Variants in EPHA3 observed in about 807,000 individuals in gnomAD.
EPHA3 encodes the protein EPH receptor A3, also known as ephrin type-A receptor 3.
Under a neutral mutation model 107.1 loss-of-function variants are expected in EPHA3, and 42 were observed. That is an observed-to-expected ratio of 0.39 (90% confidence interval 0.31 to 0.51). EPHA3 has a LOEUF of 0.51. Among genes scored for constraint, EPHA3 ranks in the 20% least tolerant of loss-of-function variants. EPHA3 has a pLI of 0.78. For synonymous variants in EPHA3, 461 were observed against 424.8 expected, an observed-to-expected ratio of 1.09 and a Z score of -1.05; for missense variants, 1,183 against 1,211.2, an observed-to-expected ratio of 0.98 and a Z score of 0.35.
At chr3:89,176,543 T>C (rs1037207783) in intron 2 of EPHA3, among the ~76,000 whole-genome samples, 6 of 151,838 alleles carry the variant, frequency 4.0e-5, no homozygotes, top group African/African-American at 1.5e-4. Context: ...TCACCTACTG[T>C]TTATTCTTAC....
chr3:89,287,095 A>G (rs993954647), intron 3 of EPHA3, among the ~76,000 whole-genome samples: 1 of 152,204 alleles, frequency 6.6e-6, no homozygotes, highest in Admixed American at 6.5e-5. Flanking sequence ...TAATTTTCCA[A>G]CCTATTTTTG....
intron 2 of EPHA3, among the ~76,000 whole-genome samples, chr3:89,194,055 A>G (rs1705780768): frequency 6.6e-6 from 1 of 152,044 alleles, no homozygotes; most frequent in Non-Finnish European, 1.5e-5. Flanking sequence ...TAGAATATTT[A>G]TCACTTATGA....
intron 3 of EPHA3, among the ~76,000 whole-genome samples, chr3:89,332,438 C>G (rs939545212): frequency 6.6e-6 from 1 of 152,094 alleles, no homozygotes; most frequent in African/African-American, 2.4e-5. Context: ...GGCATTTTGC[C>G]TTAGGCCTTT....
At chr3:89,352,311 A>G (rs1576330034) in intron 5 of EPHA3, among the ~76,000 whole-genome samples, 1 of 151,408 alleles carries the variant, frequency 6.6e-6, no homozygotes, top group East Asian at 1.9e-4. Context: ...CTGGAAATCC[A>G]ATAATTATTT....
intron 3 of EPHA3, among the ~76,000 whole-genome samples, chr3:89,295,107 A>G (rs1706314234): frequency 6.6e-6 from 1 of 152,200 alleles, no homozygotes; most frequent in Admixed American, 6.5e-5. Flanking sequence ...TCCAGACTAT[A>G]GCAATAAAGC....
chr3:89,139,012 C>T (rs1479385340), intron 2 of EPHA3, among the ~76,000 whole-genome samples: 6 of 151,652 alleles, frequency 4.0e-5, no homozygotes, highest in Non-Finnish European at 5.9e-5. Flanking sequence ...GAAAAGTACT[C>T]TCGCAGTAGA....
At chr3:89,479,249 G>T in intron 16 of EPHA3, 148 bp from the exon 17 acceptor site, 1 of 652,630 alleles carries the variant, frequency 1.5e-6, no homozygotes, top group South Asian at 1.9e-5. Context: ...ATGGTGGAAC[G>T]GTCCGGACAT....
intron 3 of EPHA3, among the ~76,000 whole-genome samples, chr3:89,284,759 G>C (rs866831499): frequency 3.9e-5 from 6 of 152,122 alleles, no homozygotes; most frequent in Middle Eastern, 3.4e-3. Flanking sequence ...TCAGAACTTG[G>C]CTCCTTTGTC....
chr3:89,326,273 T>G (rs531864381), intron 3 of EPHA3, among the ~76,000 whole-genome samples: 58 of 152,290 alleles, frequency 3.8e-4, no homozygotes, highest in Middle Eastern at 3.4e-3. Flanking sequence ...TTCCATATAC[T>G]TTATCTCTAG....
chr3:89,182,667 G>A (rs1254926003), intron 2 of EPHA3, among the ~76,000 whole-genome samples: 1 of 151,858 alleles, frequency 6.6e-6, no homozygotes, highest in African/African-American at 2.4e-5. Flanking sequence ...TGTGGTGCGT[G>A]CATAGGCATG....
intron 2 of EPHA3, among the ~76,000 whole-genome samples, chr3:89,208,918 A>G (rs1350453349): frequency 6.6e-6 from 1 of 152,116 alleles, no homozygotes; most frequent in Non-Finnish European, 1.5e-5. Flanking sequence ...AGTAAGCAAA[A>G]TGGGGCATAA....
At chr3:89,426,711 T>C (rs1254252493) in intron 11 of EPHA3, among the ~76,000 whole-genome samples, 1 of 151,872 alleles carries the variant, frequency 6.6e-6, no homozygotes, top group African/African-American at 2.4e-5. Context: ...ATGCAGTAAC[T>C]GGCCAATGAT....
chr3:89,322,150 G>T (rs1026381590), intron 3 of EPHA3, among the ~76,000 whole-genome samples: 1 of 151,132 alleles, frequency 6.6e-6, no homozygotes, highest in Non-Finnish European at 1.5e-5. Flanking sequence ...GAGAGAGAGA[G>T]AAAACAGTAT....
intron 1 of EPHA3, among the ~76,000 whole-genome samples, chr3:89,120,296 G>A (rs1707348958): frequency 6.6e-6 from 1 of 152,084 alleles, no homozygotes; most frequent in Non-Finnish European, 1.5e-5. Context: ...ACATAATAAT[G>A]TCCTGGTTTT....
intron 3 of EPHA3, among the ~76,000 whole-genome samples, chr3:89,217,138 A>G (rs748752847): frequency 1.3e-5 from 2 of 152,164 alleles, no homozygotes; most frequent in Non-Finnish European, 2.9e-5. Context: ...GAGAGCTAAT[A>G]AGGGTTTACA....
At chr3:89,301,218 A>T (rs1361715001) in intron 3 of EPHA3, among the ~76,000 whole-genome samples, 1 of 152,122 alleles carries the variant, frequency 6.6e-6, no homozygotes, top group Non-Finnish European at 1.5e-5. Flanking sequence ...GGCGATGCAG[A>T]AAAGAATTTT....
chr3:89,253,088 G>A (rs564706226), intron 3 of EPHA3, among the ~76,000 whole-genome samples: 3 of 151,926 alleles, frequency 2.0e-5, no homozygotes, highest in Non-Finnish European at 4.4e-5. Flanking sequence ...TGAAACGCTG[G>A]TTAAAAGAGT....
intron 5 of EPHA3, among the ~76,000 whole-genome samples, chr3:89,384,295 G>T (rs1708570221): frequency 6.6e-6 from 1 of 151,910 alleles, no homozygotes; most frequent in African/African-American, 2.4e-5. Flanking sequence ...TGGGGACTCG[G>T]GCTATTAAAA....
intron 2 of EPHA3, among the ~76,000 whole-genome samples, chr3:89,178,393 A>G (rs1190470874): frequency 6.6e-6 from 1 of 152,128 alleles, no homozygotes; most frequent in Non-Finnish European, 1.5e-5. Flanking sequence ...TAGCATACGT[A>G]TAATTACACA....
Sources: gnomAD v4.1 joint callset for allele counts (sites outside exome capture counted in the v4.1 genomes callset) on GRCh38, gnomAD v4.1.1 for gene constraint, MANE v1.5 for transcripts, NCBI Gene and HGNC (gene_info 2026-07-23, HGNC 2026-07-21) for gene names.